Variants in INPP4B observed in about 807,000 individuals in gnomAD.
INPP4B encodes inositol polyphosphate-4-phosphatase type II B, also known as inositol polyphosphate 4-phosphatase type II.
Under a neutral mutation model 122.5 loss-of-function variants are expected in INPP4B, and 55 were observed. That is an observed-to-expected ratio of 0.45 (90% CI 0.36 to 0.56). The LOEUF (loss-of-function observed/expected upper bound fraction) is 0.56, where lower values mean the gene tolerates loss of function less well. INPP4B is among the 20% of genes least tolerant of loss of function. The pLI, the probability that INPP4B is intolerant of heterozygous loss-of-function variation, is 0.00. For synonymous variants in INPP4B, 403 were observed against 388.7 expected, an observed-to-expected ratio of 1.04 and a Z score of -0.43; for missense variants, 1,000 against 1,097.7, an observed-to-expected ratio of 0.91 and a Z score of 1.26.
chr4:142,561,756 G>T (rs1285644531), intron 2 of INPP4B, among the ~76,000 whole-genome samples: 1 of 152,176 alleles, frequency 6.6e-6, no homozygotes, highest in Non-Finnish European at 1.5e-5. Flanking sequence ...TGTGAATGGA[G>T]AAAGAAATAG....
At chr4:142,276,482 C>A (rs1395925467) in intron 9 of INPP4B, among the ~76,000 whole-genome samples, 1 of 151,748 alleles carries the variant, frequency 6.6e-6, no homozygotes, top group African/African-American at 2.4e-5. Context: ...TAACAAAGCC[C>A]TTGGTTATAG....
intron 7 of INPP4B, among the ~76,000 whole-genome samples, chr4:142,371,893 C>T (rs1790064868): frequency 6.7e-6 from 1 of 148,262 alleles, no homozygotes. Flanking sequence ...AAAAAAAAAA[C>T]TAAAAATAGA....
At chr4:142,690,603 A>G (rs1760032088) in intron 2 of INPP4B, among the ~76,000 whole-genome samples, 2 of 152,200 alleles carry the variant, frequency 1.3e-5, no homozygotes, top group African/African-American at 4.8e-5. Context: ...CAATCTTGAA[A>G]GAAACCCAGG....
intron 7 of INPP4B, among the ~76,000 whole-genome samples, chr4:142,378,194 C>A (rs1792718817): frequency 6.6e-6 from 1 of 152,096 alleles, no homozygotes; most frequent in Admixed American, 6.6e-5. Flanking sequence ...TGTCCAAAGT[C>A]ACATAGTAAG....
chr4:142,177,026 T>C (rs1263504785), intron 15 of INPP4B, among the ~76,000 whole-genome samples: 1 of 152,148 alleles, frequency 6.6e-6, no homozygotes, highest in Admixed American at 6.5e-5. Context: ...TCCCAATATA[T>C]TCCCTTTCCT....
intron 21 of INPP4B, among the ~76,000 whole-genome samples, chr4:142,113,750 C>T (rs1791472173): frequency 6.6e-6 from 1 of 151,952 alleles, no homozygotes; most frequent in African/African-American, 2.4e-5. Context: ...TGAGTCAGTT[C>T]ATGCTTTAAA....
chr4:142,460,035 T>G (rs1816380113), intron 3 of INPP4B, among the ~76,000 whole-genome samples: 1 of 152,226 alleles, frequency 6.6e-6, no homozygotes, highest in South Asian at 2.1e-4. Context: ...GTTCTCAAAG[T>G]TAGCCTCCTT....
At chr4:142,737,865 T>C (rs1412986790) in intron 1 of INPP4B, among the ~76,000 whole-genome samples, 1 of 152,128 alleles carries the variant, frequency 6.6e-6, no homozygotes, top group South Asian at 2.1e-4. Flanking sequence ...AAAATGCTCA[T>C]CATCACTGGC....
intron 8 of INPP4B, among the ~76,000 whole-genome samples, chr4:142,310,641 C>G (rs1234190094): frequency 2.0e-5 from 3 of 150,406 alleles, no homozygotes; most frequent in Admixed American, 6.6e-5. Context: ...ATCTCTTACA[C>G]ATAACTCACA....
chr4:142,278,153 C>A (rs903808720), intron 9 of INPP4B, among the ~76,000 whole-genome samples: 3 of 151,946 alleles, frequency 2.0e-5, no homozygotes, highest in African/African-American at 7.2e-5. Context: ...ATTGTGCACA[C>A]TGAATGCAGC....
chr4:142,327,377 C>A (rs1304348291), intron 7 of INPP4B, among the ~76,000 whole-genome samples: 7 of 151,870 alleles, frequency 4.6e-5, no homozygotes, highest in Non-Finnish European at 1.0e-4. Flanking sequence ...AAGAAGATCA[C>A]CAAACCCCCC....
intron 25 of INPP4B, among the ~76,000 whole-genome samples, chr4:142,066,953 C>A (rs1217078785): frequency 6.6e-6 from 1 of 152,162 alleles, no homozygotes; most frequent in Non-Finnish European, 1.5e-5. Context: ...ACCTCCTTGT[C>A]TGATGGGTTT....
At chr4:142,675,827 G>A (rs1757678275) in intron 2 of INPP4B, among the ~76,000 whole-genome samples, 1 of 152,092 alleles carries the variant, frequency 6.6e-6, no homozygotes, top group Admixed American at 6.6e-5. Flanking sequence ...CAATAAACTA[G>A]TTATTTATGG....
intron 2 of INPP4B, among the ~76,000 whole-genome samples, chr4:142,596,483 G>A (rs951869879): frequency 6.6e-6 from 1 of 152,126 alleles, no homozygotes; most frequent in Non-Finnish European, 1.5e-5. Context: ...CTGAGTGACT[G>A]GGCCCAGGTA....
chr4:142,642,451 A>G (rs573072188), intron 2 of INPP4B, among the ~76,000 whole-genome samples: 24 of 152,154 alleles, frequency 1.6e-4, no homozygotes, highest in South Asian at 1.2e-3. Context: ...TGTATAAGGT[A>G]TAAGGAAGGG....
Position 142,084,485 on chromosome 4 carries a change from A to G in INPP4B, c.2487+1659T>C, listed in dbSNP as rs545180843. 4.9e-4 allele frequency among the ~76,000 whole-genome samples: 74 copies of G among 152,312 alleles called. 2 individuals are homozygous for G. In the South Asian group the frequency reaches 0.015, roughly 31 times the overall value. On this transcript the variant is annotated intron_variant, in intron 24 of 25. Coordinates refer to ENST00000262992, the MANE Select transcript of INPP4B (RefSeq NM_001101669.3). ...CAGTATTTCATTAAATAAATTTTTAAAAGAAAGGAAAATAAAATAAAAACA... is the reference window on the plus strand; with the variant it reads ...CAGTATTTCATTAAATAAATTTTTAGAAGAAAGGAAAATAAAATAAAAACA...
chr4:142,067,474 ATGACTT>A (rs1164937346), intron 25 of INPP4B, among the ~76,000 whole-genome samples: 1 of 152,226 alleles, frequency 6.6e-6, no homozygotes, highest in African/African-American at 2.4e-5. Flanking sequence ...TGGATGGAGA[ATGACTT>A]TGACAAGTTG....
chr4:142,045,224 A>T (rs1275522114), intron 25 of INPP4B, among the ~76,000 whole-genome samples: 2 of 152,136 alleles, frequency 1.3e-5, no homozygotes, highest in Non-Finnish European at 2.9e-5. Context: ...CCTTCTTCAC[A>T]TGGTAATTTG....
At chr4:142,633,938 A>G (rs1375279199) in intron 2 of INPP4B, among the ~76,000 whole-genome samples, 1 of 151,964 alleles carries the variant, frequency 6.6e-6, no homozygotes, top group East Asian at 1.9e-4. Context: ...AGGCAGGAGG[A>G]TCAGCTGAGC....
Sources: gnomAD v4.1 joint callset for allele counts (sites outside exome capture counted in the v4.1 genomes callset) on GRCh38, gnomAD v4.1.1 for gene constraint, MANE v1.5 for transcripts, NCBI Gene and HGNC (gene_info 2026-07-23, HGNC 2026-07-21) for gene names.